NAV3: variants seen among roughly 807,000 people sequenced by gnomAD.
NAV3 encodes the protein neuron navigator 3.
A neutral mutation model predicts 244.7 loss-of-function variants in NAV3; 87 were observed. The observed-to-expected ratio is 0.36, with a 90% CI of 0.30 to 0.42. NAV3 has a LOEUF of 0.42. Ranked by LOEUF, NAV3 falls within the 20% of genes least tolerant of loss-of-function variation. NAV3 has a pLI of 1.00. For synonymous variants in NAV3, 1,126 were observed against 1,042.2 expected (o/e 1.08, Z -1.55); for missense variants, 2,663 against 2,893.3 (o/e 0.92, Z 1.83).
chr12:77,851,235 G>A (rs1480592397), intron 1 of NAV3, among the ~76,000 whole-genome samples: 1 of 152,102 alleles, frequency 6.6e-6, no homozygotes, highest in Non-Finnish European at 1.5e-5. Flanking sequence ...CTAGTCCCAA[G>A]GGTATGGAGG....
chr12:77,963,319 T>TA (rs1204572581), intron 3 of NAV3, among the ~76,000 whole-genome samples: 2 of 152,080 alleles, frequency 1.3e-5, no homozygotes, highest in Non-Finnish European at 2.9e-5. Context: ...ATTTTATCAT[T>TA]AAAAAATCCA....
At position 78,113,240 on chromosome 12, in the gene NAV3, A is replaced by G. The variant is rs143064697; in HGVS notation, c.2637-3532A>G. The stretch of plus-strand genomic sequence containing the variant: ...GCACATGGGTGCAAGCTGTAGGTGG[A>G]TCTACCATTCTGTGGTCTGGAGGAT... On this transcript the variant is annotated intron_variant, in intron 12 of 39. Coordinates refer to ENST00000397909, the MANE Select transcript of NAV3 (RefSeq NM_001024383.2). Among the ~76,000 whole-genome samples the G allele has an allele frequency of 1.2e-3, 178 of 152,300 alleles. 1 individual carries two copies. The East Asian group carries it at 0.027, about 24-fold the overall frequency.
intron 7 of NAV3, among the ~76,000 whole-genome samples, chr12:78,005,921 T>C (rs1419220588): frequency 6.6e-6 from 1 of 152,216 alleles, no homozygotes; most frequent in African/African-American, 2.4e-5. Flanking sequence ...AATAACTTTT[T>C]TTTTTGAGAG....
chr12:77,822,415 G>A (rs949761762), intron 2 of NAV3, among the ~76,000 whole-genome samples: 1 of 152,076 alleles, frequency 6.6e-6, no homozygotes, highest in Non-Finnish European at 1.5e-5. Context: ...TTGGCATATT[G>A]CCCCTTGTGC....
At chr12:77,967,623 T>C (rs1892632186) in intron 4 of NAV3, among the ~76,000 whole-genome samples, 1 of 152,174 alleles carries the variant, frequency 6.6e-6, no homozygotes, top group Non-Finnish European at 1.5e-5. Context: ...TTATTTAAAA[T>C]ATGATTACAG....
chr12:77,993,946 G>A (rs1871881378), intron 5 of NAV3, among the ~76,000 whole-genome samples: 2 of 151,306 alleles, frequency 1.3e-5, no homozygotes, highest in Admixed American at 1.3e-4. Flanking sequence ...GGTTTATCAG[G>A]TCTAACTATA....
intron 12 of NAV3, among the ~76,000 whole-genome samples, chr12:78,079,977 A>G (rs1953264077): frequency 6.6e-6 from 1 of 152,228 alleles, no homozygotes; most frequent in African/African-American, 2.4e-5. Context: ...CCACTGAAGC[A>G]TGGAGAGTTA....
intron 1 of NAV3, among the ~76,000 whole-genome samples, chr12:77,935,869 C>T (rs566823427): frequency 2.0e-5 from 3 of 152,232 alleles, no homozygotes; most frequent in South Asian, 2.1e-4. Flanking sequence ...GGATGTGCTA[C>T]GCACTTTCAG....
chr12:77,722,939 G>A (rs576191478), intron 2 of NAV3, among the ~76,000 whole-genome samples: 26 of 151,934 alleles, frequency 1.7e-4, no homozygotes, highest in Non-Finnish European at 3.4e-4. Context: ...GTAAAGTTAG[G>A]CTCAGGTGAA....
At chr12:77,991,121 G>C (rs1392318836) in intron 5 of NAV3, among the ~76,000 whole-genome samples, 2 of 152,090 alleles carry the variant, frequency 1.3e-5, no homozygotes, top group African/African-American at 4.8e-5. Flanking sequence ...CGCCTCCTGG[G>C]TTCAAGCAAT....
chr12:77,607,427 C>G (rs1870718959), intron 2 of NAV3, among the ~76,000 whole-genome samples: 1 of 152,006 alleles, frequency 6.6e-6, no homozygotes, highest in South Asian at 2.1e-4. Flanking sequence ...ATGGAAAAGA[C>G]AAAATAAAGG....
intron 2 of NAV3, among the ~76,000 whole-genome samples, chr12:77,741,395 A>G (rs1484001274): frequency 1.3e-5 from 2 of 152,086 alleles, no homozygotes; most frequent in African/African-American, 2.4e-5. Context: ...TACATTTTAC[A>G]TACACACACA....
chr12:77,854,477 G>A (rs181637911), intron 1 of NAV3, among the ~76,000 whole-genome samples: 1 of 152,166 alleles, frequency 6.6e-6, no homozygotes, highest in East Asian at 1.9e-4. Context: ...CTTGTTTTCC[G>A]AGAACATTTT....
chr12:77,621,726 C>T (rs906860467), intron 2 of NAV3, among the ~76,000 whole-genome samples: 3 of 152,070 alleles, frequency 2.0e-5, no homozygotes, highest in Admixed American at 6.5e-5. Flanking sequence ...GATCCGCCCA[C>T]CTCGGCCTCC....
Position 78,118,168 on chromosome 12 carries a change from G to C in NAV3, c.2911G>C (p.Asp971His), listed in dbSNP as rs2138570024. ...WKTVSSGLPE[D>H]PEKAGQKASL... ...GACTGTGTCCTCTGGACTTCCTGAA[G>C]ACCCCGAGAAGGCAGGGCAGAAAGC... Residue 971 changes from aspartate to histidine, a missense_variant, in exon 14 of 40, where the codon GAC becomes CAC. By Grantham distance (81) the Asp-to-His change is moderately conservative. Around this residue, in one of 6 missense-constraint regions of NAV3, gnomAD observed 1,521 missense variants for 1,497.0 expected, o/e 1.02. Coordinates refer to ENST00000397909, the MANE Select transcript of NAV3 (RefSeq NM_001024383.2). 1 of 1,614,008 alleles carries C rather than the reference G, an allele frequency of 6.2e-7. No individual in the cohort carries two copies. The highest frequency in any genetic ancestry group is 8.5e-7 in the Non-Finnish European group (1 of 1,180,002).
At chr12:77,856,952 C>T (rs1030162604) in intron 1 of NAV3, among the ~76,000 whole-genome samples, 1 of 152,070 alleles carries the variant, frequency 6.6e-6, no homozygotes, top group South Asian at 2.1e-4. Context: ...TTTTAGATTT[C>T]ATTTAGCAGT....
intron 2 of NAV3, among the ~76,000 whole-genome samples, chr12:77,752,364 C>T (rs537171976): frequency 4.9e-4 from 75 of 152,194 alleles, no homozygotes; most frequent in African/African-American, 1.5e-3. Context: ...TTTATAGGGA[C>T]GCAACTACTA....
intron 30 of NAV3, among the ~76,000 whole-genome samples, chr12:78,181,533 G>A (rs117084727): frequency 6.6e-6 from 1 of 152,146 alleles, no homozygotes; most frequent in East Asian, 1.9e-4. Context: ...AAAGAACACA[G>A]TACTAGTGAT....
At chr12:78,160,432 CTG>C (rs748019690) in intron 23 of NAV3, among the ~76,000 whole-genome samples, 10 of 128,014 alleles carry the variant, frequency 7.8e-5, no homozygotes, top group Non-Finnish European at 1.7e-4. Context: ...TGTATGAAAA[CTG>C]TAAATGTGCA....
Sources: allele counts gnomAD v4.1 joint callset (sites outside exome capture counted in the v4.1 genomes callset), GRCh38; gene constraint gnomAD v4.1.1; regional missense constraint gnomAD v4.1.1; transcripts MANE v1.5; gene names NCBI Gene and HGNC (gene_info 2026-07-23, HGNC 2026-07-21).